PARPBP: variants seen among roughly 807,000 people sequenced by gnomAD.
PARPBP encodes the protein PARP1 binding protein.
A neutral mutation model predicts 50.0 loss-of-function variants in PARPBP; 52 were observed. The observed-to-expected ratio is 1.04, with a 90% CI of 0.83 to 1.31. PARPBP has a LOEUF of 1.31. Ranked by LOEUF, PARPBP falls within the 50% of genes most tolerant of loss-of-function variation. The probability of loss-of-function intolerance (pLI) is 0.00; values close to 1 mark genes in which losing one functional copy is unlikely to be tolerated. For missense variants in PARPBP, 697 were observed against 672.0 expected (o/e 1.04, Z -0.41); for synonymous variants, 244 against 232.1 (o/e 1.05, Z -0.47).
intron 9 of PARPBP, among the ~76,000 whole-genome samples, chr12:102,188,012 G>T (rs1191742855): frequency 3.3e-5 from 5 of 152,148 alleles, no homozygotes; most frequent in African/African-American, 1.2e-4. Flanking sequence ...TTTTGAATAT[G>T]AGCTGAGGAT....
At chr12:102,162,186 C>T (rs960089843) in intron 4 of PARPBP, among the ~76,000 whole-genome samples, 1 of 151,988 alleles carries the variant, frequency 6.6e-6, no homozygotes, top group African/African-American at 2.4e-5. Context: ...TTTATTGCTG[C>T]CTTTTTTAGT....
chr12:102,196,479 G>A lies in PARPBP; in HGVS notation c.*188G>A, dbSNP rs948556731. 7 of 732,318 alleles carry A rather than the reference G, an allele frequency of 9.6e-6. No homozygotes were observed. The East Asian group carries it at 1.7e-4, about 18-fold the overall frequency. The allele number at this position is 732,318 out of a possible 1,614,324, so 45.4% of individuals were successfully genotyped here. ...CATAATTATGCAGAATTTTCACAAA[G>A]TTTAATGCACAGAGAAAGCATATCA... On this transcript the variant is annotated 3_prime_UTR_variant, in exon 11 of 11. Coordinates refer to ENST00000327680, the MANE Select transcript of PARPBP (RefSeq NM_017915.5).
chr12:102,147,121 G>A (rs1276494468), intron 2 of PARPBP, among the ~76,000 whole-genome samples: 3 of 152,180 alleles, frequency 2.0e-5, no homozygotes, highest in Non-Finnish European at 4.4e-5. Context: ...CTGTTGGTGG[G>A]ACTGTAAACT....
intron 2 of PARPBP, among the ~76,000 whole-genome samples, chr12:102,138,982 G>A (rs1430279526): frequency 3.9e-5 from 6 of 152,042 alleles, no homozygotes; most frequent in South Asian, 2.1e-4. Flanking sequence ...CTCTTTTTTG[G>A]TTCCATATGA....
chr12:102,137,440 T>C (rs1883807444), intron 2 of PARPBP, among the ~76,000 whole-genome samples: 2 of 152,188 alleles, frequency 1.3e-5, no homozygotes, highest in Non-Finnish European at 1.5e-5. Context: ...TTTAGGTTTT[T>C]AGCATGTTTT....
intron 1 of PARPBP, among the ~76,000 whole-genome samples, chr12:102,123,554 A>G (rs1881488251): frequency 6.6e-6 from 1 of 150,658 alleles, no homozygotes; most frequent in Non-Finnish European, 1.5e-5. Context: ...AAACAAATAT[A>G]TATATTTAAA....
chr12:102,193,373 G>A (rs1224957172), intron 9 of PARPBP, among the ~76,000 whole-genome samples: 1 of 151,356 alleles, frequency 6.6e-6, no homozygotes, highest in Non-Finnish European at 1.5e-5. Context: ...ATATTTTATG[G>A]GTGGTGCTCA....
Position 102,197,333 on chromosome 12 carries a change from A to G in PARPBP, c.*1042A>G, listed in dbSNP as rs1891402123. The G allele has an allele frequency of 8.6e-6, 7 of 814,572 alleles. No homozygotes were observed. In the South Asian group the frequency reaches 9.2e-5, roughly 11 times the overall value. The allele number at this position is 814,572 out of a possible 1,614,324, so 50.5% of individuals were successfully genotyped here. A position where few individuals can be genotyped will look rare whatever the true frequency, so the allele number is the denominator to read the frequency against. ...AATTTATAGGAGAAAAAACACTTTCAGATAAGAGGTGTTTGCTGGGATGGA... is the reference window on the plus strand; with the variant it reads ...AATTTATAGGAGAAAAAACACTTTCGGATAAGAGGTGTTTGCTGGGATGGA... On this transcript the variant is annotated 3_prime_UTR_variant, in exon 11 of 11. Coordinates refer to ENST00000327680, the MANE Select transcript of PARPBP (RefSeq NM_017915.5).
At chr12:102,144,484 G>A (rs887540642) in intron 2 of PARPBP, among the ~76,000 whole-genome samples, 2 of 152,030 alleles carry the variant, frequency 1.3e-5, no homozygotes, top group African/African-American at 4.8e-5. Flanking sequence ...CTGTCATGGT[G>A]GGCACCTGAT....
chr12:102,121,248 G>A (rs1278783617), intron 1 of PARPBP, among the ~76,000 whole-genome samples: 1 of 152,182 alleles, frequency 6.6e-6, no homozygotes, highest in Non-Finnish European at 1.5e-5. Flanking sequence ...TGTGCAGCCA[G>A]CTCCTGAGCT....
At chr12:102,146,455 A>G (rs1011001651) in intron 2 of PARPBP, among the ~76,000 whole-genome samples, 5 of 152,188 alleles carry the variant, frequency 3.3e-5, no homozygotes, top group South Asian at 2.1e-4. Context: ...TGAGAAAAAC[A>G]AGCAATAGGG....
At chr12:102,189,764 A>G (rs1431783832) in intron 9 of PARPBP, among the ~76,000 whole-genome samples, 1 of 152,184 alleles carries the variant, frequency 6.6e-6, no homozygotes, top group Non-Finnish European at 1.5e-5. Context: ...AAGATTAAGG[A>G]CAGTATGCCT....
At chr12:102,190,325 T>A (rs1298349371) in intron 9 of PARPBP, among the ~76,000 whole-genome samples, 2 of 152,030 alleles carry the variant, frequency 1.3e-5, no homozygotes, top group Non-Finnish European at 2.9e-5. Context: ...ACCTCCTGGA[T>A]ACCAAGTTCA....
At chr12:102,142,366 T>C (rs1447834231) in intron 2 of PARPBP, among the ~76,000 whole-genome samples, 1 of 152,212 alleles carries the variant, frequency 6.6e-6, no homozygotes, top group Non-Finnish European at 1.5e-5. Context: ...CTACCCTGTT[T>C]ATTCTAGTTA....
chr12:102,145,560 A>G (rs1885228503), intron 2 of PARPBP, among the ~76,000 whole-genome samples: 1 of 152,220 alleles, frequency 6.6e-6, no homozygotes, highest in Non-Finnish European at 1.5e-5. Context: ...AGAATTTATT[A>G]TGCAGATGTT....
chr12:102,188,264 CT>C (rs781054329), intron 9 of PARPBP, among the ~76,000 whole-genome samples: 56 of 142,142 alleles, frequency 3.9e-4, no homozygotes, highest in Middle Eastern at 3.6e-3. Flanking sequence ...CGTGGCTGGT[CT>C]TTTTTTTTTT....
At chr12:102,156,991 C>T (rs1053337270) in intron 4 of PARPBP, among the ~76,000 whole-genome samples, 2 of 152,168 alleles carry the variant, frequency 1.3e-5, no homozygotes, top group African/African-American at 4.8e-5. Flanking sequence ...GCATTTACTT[C>T]CAAAATCACC....
intron 8 of PARPBP, among the ~76,000 whole-genome samples, chr12:102,180,301 T>C (rs1440843625): frequency 6.6e-6 from 1 of 152,224 alleles, no homozygotes; most frequent in Non-Finnish European, 1.5e-5. Context: ...TGGGTAGAAA[T>C]GTAAATAATT....
chr12:102,173,716 C>T (rs190627172), intron 6 of PARPBP, among the ~76,000 whole-genome samples: 95 of 151,926 alleles, frequency 6.3e-4, no homozygotes, highest in African/African-American at 2.3e-3. Flanking sequence ...TGTCCTCTTC[C>T]ACCTTGCTGC....
Sources: gnomAD v4.1 joint callset for allele counts (sites outside exome capture counted in the v4.1 genomes callset) on GRCh38, gnomAD v4.1.1 for gene constraint, MANE v1.5 for transcripts, NCBI Gene and HGNC (gene_info 2026-07-23, HGNC 2026-07-21) for gene names.